The following CA13 variants were observed in gnomAD, a reference collection of about 807,000 sequenced individuals.
The protein encoded by CA13 is CA-XIII.
CA13 carries 21 observed loss-of-function variants against 31.5 expected under a neutral mutation model. The observed-to-expected ratio is 0.67, with a 90% CI of 0.47 to 0.96. The LOEUF (loss-of-function observed/expected upper bound fraction) is 0.96. Among genes scored for constraint, CA13 ranks in the 40% least tolerant of loss-of-function variants. The probability of loss-of-function intolerance (pLI) is 0.00; values close to 1 mark genes in which losing one functional copy is unlikely to be tolerated. For synonymous variants in CA13, 117 were observed against 111.4 expected (o/e 1.05, Z -0.32); for missense variants, 315 against 318.9 (o/e 0.99, Z 0.09).
intron 2 of CA13, among the ~76,000 whole-genome samples, chr8:85,255,375 A>G (rs1807276055): frequency 1.3e-5 from 2 of 151,068 alleles, no homozygotes; most frequent in Admixed American, 6.6e-5. Flanking sequence ...TGATTCTTCC[A>G]CCTCAGCCTC....
chr8:85,247,502 G>T (rs1262272253), intron 1 of CA13, among the ~76,000 whole-genome samples: 1 of 152,130 alleles, frequency 6.6e-6, no homozygotes, highest in Non-Finnish European at 1.5e-5. Context: ...TAAAGGTGTG[G>T]TCTTCAGAGA....
intron 1 of CA13, among the ~76,000 whole-genome samples, chr8:85,247,016 G>A (rs1813744901): frequency 6.6e-6 from 1 of 152,140 alleles, no homozygotes; most frequent in African/African-American, 2.4e-5. Context: ...ATTTCTAATT[G>A]TAGCCTGTTT....
intron 2 of CA13, among the ~76,000 whole-genome samples, chr8:85,254,772 G>A (rs376170512): frequency 4.9e-5 from 6 of 122,652 alleles, no homozygotes; most frequent in Non-Finnish European, 1.0e-4. Context: ...AGTTAAACAA[G>A]TTTTTTTTTT....
At position 85,245,603 on chromosome 8, in the gene CA13, G is replaced by C. The variant is rs915089214; in HGVS notation, c.-226G>C. On this transcript the variant is annotated 5_prime_UTR_variant, in exon 1 of 7. Coordinates refer to ENST00000321764, the MANE Select transcript of CA13 (RefSeq NM_198584.3). ...TCATTCCCGAGTCCAAACTAAGAGA[G>C]ACTCGCGCCCCAGGAGTCAGCCAGC... 2.4e-5 allele frequency: 14 copies of C among 572,470 alleles called. No individual in the cohort carries two copies. Among genetic ancestry groups the C allele is most frequent in the Non-Finnish European group, 4.3e-5 (14 of 323,886 alleles). 35.5% of individuals were successfully genotyped at this position (572,470 alleles called of 1,614,324 possible).
At chr8:85,253,967 A>G (rs1807238113) in intron 2 of CA13, among the ~76,000 whole-genome samples, 1 of 152,172 alleles carries the variant, frequency 6.6e-6, no homozygotes, top group African/African-American at 2.4e-5. Context: ...CTGTCTCAGA[A>G]AATAAAAAGA....
chr8:85,259,709 AT>A (rs1807351543), intron 3 of CA13, among the ~76,000 whole-genome samples, 170 bp downstream of exon 3: 1 of 152,222 alleles, frequency 6.6e-6, no homozygotes, highest in Admixed American at 6.5e-5. Context: ...AGAGCTTCAG[AT>A]GTTGCCCTCC....
In CA13 at chr8:85,245,553, C is replaced by A. The variant is rs1466683855; in HGVS notation, c.-276C>A. 4.2e-6 allele frequency: 2 copies of A among 475,320 alleles called. No homozygotes were observed. Among genetic ancestry groups the A allele is most frequent in the African/African-American group, 4.2e-5 (2 of 47,882 alleles). The allele number at this position is 475,320 out of a possible 1,614,324, so 29.4% of individuals were successfully genotyped here. ...TCCCCCCCGGAAACCTTTCTCTCTC[C>A]GTCTCTCCCTCTAACTCAAATCTCT... On this transcript the variant is annotated 5_prime_UTR_variant, in exon 1 of 7. Coordinates refer to ENST00000321764, the MANE Select transcript of CA13 (RefSeq NM_198584.3).
Position 85,281,226 on chromosome 8 carries a change from A to G in CA13, c.670-4A>G, listed in dbSNP as rs1312800123. The G allele has an allele frequency of 1.9e-6, 3 of 1,612,490 alleles. No homozygotes were observed. Among genetic ancestry groups the G allele is most frequent in the Non-Finnish European group, 2.5e-6 (3 of 1,178,954 alleles). On this transcript the variant is annotated splice_polypyrimidine_tract_variant and splice_region_variant and intron_variant, in intron 6 of 6. Transcript: ENST00000321764. ...CTGAAGCTAACTCTTTTCTTCTTCT[A>G]CAGCTGGCCAAATTTCGCAGTCTCC...
intron 6 of CA13, among the ~76,000 whole-genome samples, chr8:85,275,821 A>G (rs930073593): frequency 6.6e-6 from 1 of 152,208 alleles, no homozygotes; most frequent in Non-Finnish European, 1.5e-5. Flanking sequence ...GGATTTTTCT[A>G]TATAAGTATG....
At chr8:85,276,773 A>G (rs554531894) in intron 6 of CA13, among the ~76,000 whole-genome samples, 1 of 152,060 alleles carries the variant, frequency 6.6e-6, no homozygotes, top group East Asian at 1.9e-4. Context: ...TGTTTAGCTC[A>G]GGGTTTGTGA....
At chr8:85,271,551 C>A (rs931978903) in intron 6 of CA13, among the ~76,000 whole-genome samples, 1 of 152,192 alleles carries the variant, frequency 6.6e-6, no homozygotes, top group Non-Finnish European at 1.5e-5. Context: ...TCTGGAGGGA[C>A]AACTTCTCTT....
chr8:85,262,663 C>T (rs973234602), intron 3 of CA13, among the ~76,000 whole-genome samples: 3 of 152,112 alleles, frequency 2.0e-5, no homozygotes, highest in Non-Finnish European at 2.9e-5. Context: ...GTGATATTTG[C>T]ATTTCAAAAA....
chr8:85,250,177 TTG>T (rs1363162287), intron 1 of CA13, among the ~76,000 whole-genome samples: 2 of 152,224 alleles, frequency 1.3e-5, no homozygotes, highest in African/African-American at 2.4e-5. Flanking sequence ...GGTGAAAAAT[TTG>T]TGTGTTTCCT....
At position 85,245,651 on chromosome 8, in the gene CA13, G is replaced by A; in HGVS notation, c.-178G>A. The stretch of plus-strand genomic sequence containing the variant: ...AGCGGCGCGGGCGCCTTCCCCGCAC[G>A]CCTCTGCCGTCTGGAGGACGCAGGC... On this transcript the variant is annotated 5_prime_UTR_variant, in exon 1 of 7. Transcript: ENST00000321764. The A allele has an allele frequency of 7.6e-6, 5 of 658,954 alleles. No individual in the cohort carries two copies. The highest frequency in any genetic ancestry group is 2.7e-5 in the Admixed American group (1 of 37,558). 40.8% of individuals were successfully genotyped at this position (658,954 alleles called of 1,614,324 possible).
chr8:85,277,801 G>C (rs1159242805), intron 6 of CA13, among the ~76,000 whole-genome samples: 1 of 152,160 alleles, frequency 6.6e-6, no homozygotes, highest in East Asian at 1.9e-4. Context: ...AAGTGTCCCA[G>C]TCTGACGTGA....
chr8:85,279,659 C>T (rs557655988), intron 6 of CA13, among the ~76,000 whole-genome samples: 1 of 152,144 alleles, frequency 6.6e-6, no homozygotes, highest in African/African-American at 2.4e-5. Flanking sequence ...AAGCCAACGT[C>T]TTCAGAAGAA....
intron 2 of CA13, among the ~76,000 whole-genome samples, chr8:85,256,734 T>TTG (rs1807302565): frequency 6.6e-6 from 1 of 152,196 alleles, no homozygotes; most frequent in African/African-American, 2.4e-5. Flanking sequence ...CTAGACTAAG[T>TTG]TTCTTAAGGA....
At position 85,281,495 on chromosome 8, in the gene CA13, A is replaced by G; in HGVS notation, c.*146A>G. On this transcript the variant is annotated 3_prime_UTR_variant, in exon 7 of 7. Transcript: ENST00000321764. ...TATGAGCTTCAGTGTCACAAAGAAA[A>G]CCAGATCTCTCTCTCTTTTTTTTTT... 2.2e-6 allele frequency: 3 copies of G among 1,394,460 alleles called. No individual in the cohort carries two copies. The highest frequency in any genetic ancestry group is 2.8e-6 in the Non-Finnish European group (3 of 1,068,326). 86.4% of individuals were successfully genotyped at this position (1,394,460 alleles called of 1,614,324 possible). A position where few individuals can be genotyped will look rare whatever the true frequency, so the allele number is the denominator to read the frequency against.
chr8:85,264,483 G>A (rs188095252), intron 3 of CA13, among the ~76,000 whole-genome samples: 25 of 152,214 alleles, frequency 1.6e-4, no homozygotes, highest in South Asian at 1.2e-3. Context: ...AATAGAAGTG[G>A]TATCAGTTCC....
Sources: gnomAD v4.1 joint callset for allele counts (sites outside exome capture counted in the v4.1 genomes callset) on GRCh38, gnomAD v4.1.1 for gene constraint, MANE v1.5 for transcripts, NCBI Gene and HGNC (gene_info 2026-07-23, HGNC 2026-07-21) for gene names.